CEP112: variants seen among roughly 807,000 people sequenced by gnomAD.
The protein encoded by CEP112 is centrosomal protein 112.
A neutral mutation model predicts 153.0 loss-of-function variants in CEP112; 127 were observed. That is an observed-to-expected ratio of 0.83 (90% CI 0.72 to 0.96). CEP112 has a LOEUF of 0.96. Among genes scored for constraint, CEP112 ranks in the 40% least tolerant of loss-of-function variants. The pLI is 0.00. For synonymous variants in CEP112, 358 were observed against 374.4 expected, an observed-to-expected ratio of 0.96 and a Z score of 0.51; for missense variants, 1,089 against 1,101.2, an observed-to-expected ratio of 0.99 and a Z score of 0.16.
chr17:65,869,279 T>G (rs1339014760), intron 20 of CEP112, among the ~76,000 whole-genome samples: 1 of 152,228 alleles, frequency 6.6e-6, no homozygotes, highest in African/African-American at 2.4e-5. Context: ...ATAAGGCATA[T>G]TTGGTATTAT....
At chr17:65,848,502 T>C (rs2057806557) in intron 21 of CEP112, among the ~76,000 whole-genome samples, 1 of 152,154 alleles carries the variant, frequency 6.6e-6, no homozygotes, top group African/African-American at 2.4e-5. Context: ...GCCTCTCAAA[T>C]GGAGCTGTAC....
chr17:65,913,406 G>A, intron 19 of CEP112: 2 of 717,492 alleles, frequency 2.8e-6, no homozygotes, highest in Non-Finnish European at 3.4e-6. Context: ...TGGAGTCAGA[G>A]TAAAGATACA....
intron 4 of CEP112, among the ~76,000 whole-genome samples, chr17:66,169,250 T>C (rs1323502261): frequency 6.6e-6 from 1 of 151,634 alleles, no homozygotes; most frequent in African/African-American, 2.4e-5. Flanking sequence ...CTCAGAACAG[T>C]ATGTACATTA....
At chr17:66,049,936 T>C (rs12450272) in intron 12 of CEP112, among the ~76,000 whole-genome samples, 62,473 of 151,878 alleles carry the variant, frequency 0.41, 14,312 homozygotes, top group East Asian at 0.87. Flanking sequence ...ATAGAAAATA[T>C]AGCATAAGAC....
At chr17:65,774,879 G>A (rs1198964671) in intron 21 of CEP112, among the ~76,000 whole-genome samples, 1 of 152,188 alleles carries the variant, frequency 6.6e-6, no homozygotes, top group African/African-American at 2.4e-5. Flanking sequence ...CATATCAGCA[G>A]GAAGGGTTCA....
intron 21 of CEP112, among the ~76,000 whole-genome samples, chr17:65,787,927 G>T (rs978448842): frequency 6.6e-6 from 1 of 152,062 alleles, no homozygotes. Context: ...GTATAGCTGT[G>T]ACCAATGGCA....
chr17:65,831,348 G>A (rs189704430), intron 21 of CEP112, among the ~76,000 whole-genome samples: 44 of 152,252 alleles, frequency 2.9e-4, no homozygotes, highest in Non-Finnish European at 4.9e-4. Context: ...ACGAGGTCAG[G>A]ACATCAAGAC....
Position 66,029,138 on chromosome 17 carries a change from A to G in CEP112, c.1488T>C (p.Ala496=). 1 of 1,601,722 alleles carries G rather than the reference A, an allele frequency of 6.2e-7. No individual in the cohort carries two copies. Among genetic ancestry groups the G allele is most frequent in the Non-Finnish European group, 8.5e-7 (1 of 1,170,706 alleles). Residue 496 remains alanine (A), a synonymous_variant, in exon 14 of 27, where the codon GCT becomes GCC. Coordinates refer to ENST00000535342, the MANE Select transcript of CEP112 (RefSeq NM_001199165.4). ...ADINLLKQEH[A]LSASKASSMI... ...TAAATAATACCTTAGAAGCTGAAAG[A>G]GCATGTTCTTGTTTTAGAAGGTTTA...
chr17:65,883,188 A>G (rs2059147817), intron 20 of CEP112, among the ~76,000 whole-genome samples: 1 of 152,132 alleles, frequency 6.6e-6, no homozygotes, highest in East Asian at 1.9e-4. Context: ...GATAGAACAC[A>G]GCAAAAGAAG....
chr17:65,804,737 T>A (rs528723147), intron 21 of CEP112, among the ~76,000 whole-genome samples: 4 of 152,134 alleles, frequency 2.6e-5, no homozygotes, highest in Admixed American at 2.6e-4. Flanking sequence ...AAAATAAGCA[T>A]TGAAACTGGA....
At chr17:65,854,153 C>T (rs2058054781) in intron 20 of CEP112, among the ~76,000 whole-genome samples, 1 of 152,102 alleles carries the variant, frequency 6.6e-6, no homozygotes, top group African/African-American at 2.4e-5. Flanking sequence ...CAAGCACAGC[C>T]TAAACCAACA....
intron 17 of CEP112, among the ~76,000 whole-genome samples, chr17:65,975,620 T>TAC (rs2063005160): frequency 6.6e-6 from 1 of 152,218 alleles, no homozygotes; most frequent in East Asian, 1.9e-4. Flanking sequence ...TCATGAACTA[T>TAC]ACTGGAACTG....
rs192704166 is a variant in CEP112, at chr17:66,042,504, A to G, written c.1218+11232T>C. On this transcript the variant is annotated intron_variant, in intron 12 of 26. Transcript: ENST00000535342. The stretch of plus-strand genomic sequence containing the variant: ...GTTTCTACTAGATGGGCATTTTACA[A>G]TATGCCTAACCAGTCAATACTCCTC... Among the ~76,000 whole-genome samples the G allele has an allele frequency of 3.5e-4, 53 of 152,274 alleles. 2 individuals carry two copies. The East Asian group carries it at 0.01, about 29-fold the overall frequency.
chr17:66,072,233 C>T (rs906007877), intron 8 of CEP112, among the ~76,000 whole-genome samples: 1 of 152,034 alleles, frequency 6.6e-6, no homozygotes, highest in African/African-American at 2.4e-5. Flanking sequence ...TTCCTTAGAA[C>T]AAGAACACTG....
chr17:65,852,574 G>A (rs2146318966), intron 20 of CEP112, among the ~76,000 whole-genome samples: 1 of 145,272 alleles, frequency 6.9e-6, no homozygotes, highest in East Asian at 2.0e-4. Context: ...ATACCACCTG[G>A]AACATTTTAC....
intron 21 of CEP112, among the ~76,000 whole-genome samples, chr17:65,751,854 T>C (rs537427515): frequency 6.6e-6 from 1 of 152,274 alleles, no homozygotes; most frequent in South Asian, 2.1e-4. Context: ...ATCACACAGC[T>C]AGGAAGTGAT....
chr17:65,648,121 G>T (rs895876277), intron 24 of CEP112, among the ~76,000 whole-genome samples: 9 of 152,164 alleles, frequency 5.9e-5, no homozygotes, highest in African/African-American at 2.2e-4. Context: ...CTGGTCTGCT[G>T]TGGTTCATTT....
At chr17:65,660,299 CTTT>C (rs1337525039) in intron 24 of CEP112, among the ~76,000 whole-genome samples, 1 of 136,882 alleles carries the variant, frequency 7.3e-6, no homozygotes, top group Admixed American at 8.1e-5. Flanking sequence ...CCCTCCTTCT[CTTT>C]TCTCTCTTTC....
chr17:66,190,542 G>A (rs1234554712), intron 1 of CEP112, among the ~76,000 whole-genome samples: 1 of 152,100 alleles, frequency 6.6e-6, no homozygotes, highest in Non-Finnish European at 1.5e-5. Flanking sequence ...CCAGGTGACG[G>A]ACGTTGCAGT....
Sources: allele counts gnomAD v4.1 joint callset (sites outside exome capture counted in the v4.1 genomes callset), GRCh38; gene constraint gnomAD v4.1.1; transcripts MANE v1.5; gene names NCBI Gene and HGNC (gene_info 2026-07-23, HGNC 2026-07-21).